MACF1: variants seen among roughly 807,000 people sequenced by gnomAD.
The protein encoded by MACF1 is microtubule actin crosslinking factor 1.
Under a neutral mutation model 854.8 loss-of-function variants are expected in MACF1, and 193 were observed. The ratio of observed to expected loss-of-function variants is 0.23; its 90% CI spans 0.20 to 0.25. MACF1 has a LOEUF of 0.25. Among genes scored for constraint, MACF1 ranks in the 10% least tolerant of loss-of-function variants. The pLI is 1.00. For synonymous variants in MACF1, 3,185 were observed against 3,226.7 expected, an observed-to-expected ratio of 0.99 and a Z score of 0.44; for missense variants, 7,722 against 8,929.1, an observed-to-expected ratio of 0.86 and a Z score of 5.45.
At chr1:39,469,899 T>C (rs1644744572) in intron 97 of MACF1, among the ~76,000 whole-genome samples, 1 of 152,258 alleles carries the variant, frequency 6.6e-6, no homozygotes, top group African/African-American at 2.4e-5. Context: ...TTATGCCTCA[T>C]ATGAAGTGTA....
chr1:39,121,032 T>C (rs1642694361), intron 2 of MACF1: 1 of 152,398 alleles, frequency 6.6e-6, no homozygotes, highest in South Asian at 2.1e-4. Flanking sequence ...TATGTGTTGC[T>C]TAAGTGAGCA....
chr1:39,394,328 A>G (rs896123570), intron 58 of MACF1, among the ~76,000 whole-genome samples: 1 of 152,198 alleles, frequency 6.6e-6, no homozygotes, highest in African/African-American at 2.4e-5. Flanking sequence ...ACATGAGAAA[A>G]GCCCTGGAAG....
chr1:39,421,850 G>A (rs887599431), intron 58 of MACF1, among the ~76,000 whole-genome samples: 5 of 152,134 alleles, frequency 3.3e-5, no homozygotes, highest in South Asian at 4.1e-4. Flanking sequence ...CGAGGAGGGC[G>A]GATCACGAGG....
intron 34 of MACF1, 143 bp downstream of exon 34, chr1:39,324,488 G>C: frequency 1.7e-6 from 2 of 1,161,436 alleles, no homozygotes; most frequent in Non-Finnish European, 2.4e-6. Flanking sequence ...AAGCCATCTT[G>C]TTTGTTCTTG....
At chr1:39,297,834 G>C (rs1447582629) in intron 21 of MACF1, 89 bp downstream of exon 21, 7 of 1,456,772 alleles carry the variant, frequency 4.8e-6, no homozygotes, top group Non-Finnish European at 4.7e-6. Flanking sequence ...AAAGCTCCAG[G>C]GCAATGGGCC....
intron 22 of MACF1, 85 bp downstream of exon 22, chr1:39,300,447 G>C: frequency 7.7e-7 from 1 of 1,306,168 alleles, no homozygotes; most frequent in Non-Finnish European, 1.0e-6. Context: ...GATGATAAAA[G>C]ATCAAATTAC....
At chr1:39,093,394 C>G (rs544180583) in intron 2 of MACF1, among the ~76,000 whole-genome samples, 10 of 138,654 alleles carry the variant, frequency 7.2e-5, no homozygotes, top group Admixed American at 1.6e-4. Context: ...CTGCTCATTG[C>G]AACCACCGCC....
At chr1:39,098,743 G>T (rs1373419723) in intron 2 of MACF1, among the ~76,000 whole-genome samples, 2 of 152,212 alleles carry the variant, frequency 1.3e-5, no homozygotes, top group African/African-American at 4.8e-5. Flanking sequence ...CTATGGTGAT[G>T]GGCTGCTGGT....
At chr1:39,229,243 T>G (rs1320340843) in intron 1 of MACF1, among the ~76,000 whole-genome samples, 1 of 152,078 alleles carries the variant, frequency 6.6e-6, no homozygotes, top group Non-Finnish European at 1.5e-5. Context: ...TAGTTTATAG[T>G]AGGAAGAAAA....
upstream of MACF1, among the ~76,000 whole-genome samples, chr1:39,203,456 C>T (rs1212064712): frequency 1.3e-5 from 2 of 152,350 alleles, no homozygotes; most frequent in East Asian, 3.9e-4. Flanking sequence ...CCTCCTGCCT[C>T]AGCCTCCTGA....
At position 39,359,032 on chromosome 1, in the gene MACF1, T is replaced by A. The variant is rs1647837610; in HGVS notation, c.12121-109T>A. 4 of 1,451,774 alleles carry A rather than the reference T, an allele frequency of 2.8e-6. No individual in the cohort carries two copies. The Admixed American group carries it at 6.2e-5, about 23-fold the overall frequency. The allele number at this position is 1,451,774 out of a possible 1,614,324, so 89.9% of individuals were successfully genotyped here. On this transcript the variant is annotated intron_variant, in intron 46 of 100. Transcript: ENST00000564288. ...AACACTTGCTTCTAATATTTATGGC[T>A]ATGGTTAAACTTACAATTATTCTGT...
rs745599982 is a variant in MACF1, at chr1:39,443,432, C to CT, written c.19303-9dup. On this transcript the variant is annotated splice_polypyrimidine_tract_variant and intron_variant, in intron 78 of 100. Transcript: ENST00000564288. ...ATGACTACTGACATGGTTGATATAT[C>CT]TTTTTCTCAAAAGGCCCAGGGCTTC... is the stretch of plus-strand genomic sequence containing the variant. 7 of 1,600,014 alleles carry CT rather than the reference C, an allele frequency of 4.4e-6. No individual in the cohort carries two copies. In the South Asian group the frequency reaches 7.9e-5, roughly 18 times the overall value.
chr1:39,231,697 T>C (rs991403721), intron 2 of MACF1, among the ~76,000 whole-genome samples: 2 of 152,046 alleles, frequency 1.3e-5, no homozygotes, highest in African/African-American at 4.8e-5. Context: ...CTGTTTCTTT[T>C]TTTTTTTAAT....
chr1:39,385,248 A>T (rs534322789), intron 56 of MACF1, among the ~76,000 whole-genome samples, 186 bp from the exon 57 acceptor site: 1 of 152,180 alleles, frequency 6.6e-6, no homozygotes, highest in East Asian at 1.9e-4. Context: ...TTGTATTTTT[A>T]GTAGAGACGG....
intron 97 of MACF1, among the ~76,000 whole-genome samples, chr1:39,477,076 TATATATATATATATACACAC>T (rs1644910140): frequency 1.2e-4 from 2 of 17,318 alleles, no homozygotes; most frequent in African/African-American, 3.9e-4. Flanking sequence ...TATATATATA[TATATATATATATATACACAC>T]ACACACATAT....
chr1:39,233,339 A>C (rs1437125879), intron 2 of MACF1, among the ~76,000 whole-genome samples: 3 of 152,142 alleles, frequency 2.0e-5, no homozygotes, highest in Non-Finnish European at 4.4e-5. Flanking sequence ...TGGCCAACCC[A>C]GGTCTTTCTT....
chr1:39,468,845 C>A, intron 96 of MACF1, 113 bp downstream of exon 96: 1 of 961,486 alleles, frequency 1.0e-6, no homozygotes, highest in Non-Finnish European at 1.6e-6. Flanking sequence ...TTTTGTTAAG[C>A]TGCCCAGGTG....
In MACF1 at chr1:39,318,370, A is replaced by C. The variant is rs1340771305; in HGVS notation, c.3783-83A>C. On this transcript the variant is annotated intron_variant, in intron 29 of 100. Transcript: ENST00000564288. ...TTTGTGGTCAAGCCCAGCTGGATAC[A>C]TGGGTTAAAGAGGGAATTACCTCAT... is the stretch of plus-strand genomic sequence containing the variant. 3.2e-6 allele frequency: 4 copies of C among 1,267,924 alleles called. No individual in the cohort carries two copies. The East Asian group carries it at 9.3e-5, about 30-fold the overall frequency. The allele number at this position is 1,267,924 out of a possible 1,614,324, so 78.5% of individuals were successfully genotyped here.
Position 39,350,829 on chromosome 1 carries a change from T to C in MACF1, c.11010T>C (p.Thr3670=), listed in dbSNP as rs1460140048. ...AGAATCGTGCCACCTCATTTGCCAC[T>C]GTTGTCAAGGACATTGAGGGGTTCA... The part of the protein sequence containing the change: ...DIQNRATSFA[T]VVKDIEGFME... Residue 3670 remains threonine, a synonymous_variant, in exon 43 of 101, where the codon ACT becomes ACC. Coordinates refer to ENST00000564288, the MANE Select transcript of MACF1 (RefSeq NM_001394062.1). 2 of 1,613,950 alleles carry C rather than the reference T, an allele frequency of 1.2e-6. No individual in the cohort carries two copies. The highest frequency in any genetic ancestry group is 2.7e-5 in the African/African-American group (2 of 74,932).
Sources: allele counts gnomAD v4.1 joint callset (sites outside exome capture counted in the v4.1 genomes callset), GRCh38; gene constraint gnomAD v4.1.1; transcripts MANE v1.5; gene names NCBI Gene and HGNC (gene_info 2026-07-23, HGNC 2026-07-21).